The following EYS variants were observed in gnomAD, a reference collection of about 807,000 sequenced individuals.
The protein encoded by EYS is protein eyes shut homolog.
EYS carries 250 observed loss-of-function variants against 282.1 expected under a neutral mutation model. The observed-to-expected ratio is 0.89, with a 90% confidence interval of 0.80 to 0.98. The LOEUF (loss-of-function observed/expected upper bound fraction) is 0.98, where lower values mean the gene tolerates loss of function less well. Among genes scored for constraint, EYS ranks in the 50% least tolerant of loss-of-function variants. EYS has a pLI of 0.00. For missense variants in EYS, 4,016 were observed against 3,709.0 expected, an observed-to-expected ratio of 1.08 and a Z score of -2.15; for synonymous variants, 1,355 against 1,282.9, an observed-to-expected ratio of 1.06 and a Z score of -1.20.
intron 36 of EYS, among the ~76,000 whole-genome samples, chr6:63,826,845 C>CAAAAAAAAAAAAAAAAAAAGAAAAAA (rs1771478105): frequency 1.1e-3 from 88 of 76,720 alleles, no homozygotes; most frequent in Non-Finnish European, 1.4e-3. Context: ...AGTTAAAAAG[C>CAAAAAAAAAAAAAAAAAAAGAAAAAA]AAAAAAAAAA....
At chr6:64,809,944 T>C (rs1562203596) in intron 22 of EYS, among the ~76,000 whole-genome samples, 1 of 152,068 alleles carries the variant, frequency 6.6e-6, no homozygotes, top group Non-Finnish European at 1.5e-5. Context: ...AACATACCTG[T>C]GTATGTGTCC....
chr6:64,463,716 T>C (rs1254521827), intron 26 of EYS, among the ~76,000 whole-genome samples: 2 of 152,020 alleles, frequency 1.3e-5, no homozygotes, highest in East Asian at 3.9e-4. Flanking sequence ...AAATCAAAAA[T>C]GAAAAAGACA....
At chr6:65,290,061 CTTTAA>C (rs1169352559) in intron 12 of EYS, among the ~76,000 whole-genome samples, 2 of 150,988 alleles carry the variant, frequency 1.3e-5, no homozygotes, top group Admixed American at 6.6e-5. Context: ...AAATAAGAAA[CTTTAA>C]TTTAATATTT....
chr6:65,596,942 T>G (rs1765429465), intron 2 of EYS, among the ~76,000 whole-genome samples: 1 of 152,054 alleles, frequency 6.6e-6, no homozygotes, highest in Non-Finnish European at 1.5e-5. Context: ...TTCAAGGACA[T>G]CATTAGAATG....
intron 29 of EYS, among the ~76,000 whole-genome samples, chr6:64,356,716 T>A (rs1296333746): frequency 2.6e-5 from 4 of 151,620 alleles, no homozygotes; most frequent in African/African-American, 9.7e-5. Flanking sequence ...TTATCCAGTG[T>A]TTGCCAAATA....
intron 31 of EYS, among the ~76,000 whole-genome samples, chr6:64,165,074 T>C (rs1012890541): frequency 2.6e-5 from 4 of 152,144 alleles, no homozygotes; most frequent in African/African-American, 7.2e-5. Flanking sequence ...TTTAGTGAGT[T>C]ATTTTTAGTC....
At chr6:64,193,371 C>T (rs376380816) in intron 31 of EYS, among the ~76,000 whole-genome samples, 15 of 151,672 alleles carry the variant, frequency 9.9e-5, no homozygotes, top group Non-Finnish European at 1.5e-4. Context: ...AGTGCAGTGG[C>T]GTGATCTCGG....
chr6:64,055,399 A>G (rs1241162366), intron 33 of EYS, among the ~76,000 whole-genome samples: 1 of 152,164 alleles, frequency 6.6e-6, no homozygotes, highest in Admixed American at 6.6e-5. Flanking sequence ...ACAGAAGCCT[A>G]TATAGCAGAA....
chr6:64,803,998 G>A lies in EYS; in HGVS notation c.3443+9380C>T, dbSNP rs918031506. 3.3e-5 allele frequency among the ~76,000 whole-genome samples: 5 copies of A among 152,274 alleles called. No individual in the cohort carries two copies. In the East Asian group the frequency reaches 7.7e-4, roughly 24 times the overall value. ...GGGAGGGTAGGGCTCTCACCCAACC[G>A]ACTTGGAAGGGGGCGTGGTTCCTGC... On this transcript the variant is annotated intron_variant, in intron 22 of 42. Transcript: ENST00000503581.
At chr6:65,664,549 GAGAAA>G (rs1582579270) in intron 1 of EYS, among the ~76,000 whole-genome samples, 1 of 152,246 alleles carries the variant, frequency 6.6e-6, no homozygotes, top group East Asian at 1.9e-4. Context: ...TAATTTGATA[GAGAAA>G]AGAAGACAAT....
intron 22 of EYS, among the ~76,000 whole-genome samples, chr6:64,703,503 G>C (rs796922993): frequency 6.4e-5 from 9 of 141,016 alleles, no homozygotes; most frequent in African/African-American, 2.4e-4. Context: ...CGCGATCTCA[G>C]CTCACTGAAA....
At chr6:64,774,104 A>C (rs1435345663) in intron 22 of EYS, among the ~76,000 whole-genome samples, 2 of 151,866 alleles carry the variant, frequency 1.3e-5, no homozygotes, top group Non-Finnish European at 2.9e-5. Context: ...TATTACACAT[A>C]CTTATGCATT....
chr6:64,719,663 G>A (rs1003073755), intron 22 of EYS, among the ~76,000 whole-genome samples: 1 of 152,084 alleles, frequency 6.6e-6, no homozygotes, highest in East Asian at 1.9e-4. Flanking sequence ...TATATACTTC[G>A]GGAGGCTGAG....
rs997022177 is a variant in EYS at position 64,305,291 on chromosome 6, T to G, written c.6191+1679A>C. Among the ~76,000 whole-genome samples the G allele has an allele frequency of 6.6e-5, 10 of 151,862 alleles. No homozygotes were observed. The East Asian group carries it at 1.7e-3, about 26-fold the overall frequency. On this transcript the variant is annotated intron_variant, in intron 30 of 42. Transcript: ENST00000503581. ...CATAAATAAATGGAATCACATCTCA[T>G]GTTTATGAATTGGAAAAAAGTGATA...
Position 63,721,588 on chromosome 6 carries a change from G to A in EYS, c.8443C>T (p.Leu2815=). The change falls in exon 43 of 43, where the codon CTG becomes TTG. Residue 2815 remains leucine (L), a synonymous_variant. Transcript: ENST00000503581. The part of the protein sequence containing the change: ...TEKASTKMSS[L]DTNTDFYIGG... The stretch of plus-strand genomic sequence containing the variant: ...ATATAGAAGTCTGTATTTGTGTCCA[G>A]AGAACTCATTTTAGTGGAGGCCTTT... The A allele has an allele frequency of 6.4e-7, 1 of 1,551,668 alleles. No individual in the cohort carries two copies. Among genetic ancestry groups the A allele is most frequent in the South Asian group, 1.2e-5 (1 of 84,052 alleles).
At chr6:65,553,733 T>A (rs997644316) in intron 2 of EYS, among the ~76,000 whole-genome samples, 3 of 152,080 alleles carry the variant, frequency 2.0e-5, no homozygotes, top group Admixed American at 2.0e-4. Flanking sequence ...TGTAGTTAAT[T>A]TTTGCCAACG....
chr6:64,146,285 T>C (rs949964768), intron 31 of EYS, among the ~76,000 whole-genome samples: 1 of 152,164 alleles, frequency 6.6e-6, no homozygotes, highest in Admixed American at 6.6e-5. Flanking sequence ...GAATTACAAA[T>C]AGAAAAGTCA....
At chr6:64,511,248 T>C (rs1339211381) in intron 26 of EYS, among the ~76,000 whole-genome samples, 3 of 148,260 alleles carry the variant, frequency 2.0e-5, no homozygotes, top group Admixed American at 1.4e-4. Flanking sequence ...CATATATATA[T>C]ATGATATATA....
intron 14 of EYS, among the ~76,000 whole-genome samples, chr6:64,952,374 C>T (rs562734864): frequency 1.3e-5 from 2 of 152,044 alleles, no homozygotes; most frequent in Non-Finnish European, 2.9e-5. Flanking sequence ...TACTTAATTT[C>T]AAGGCACATC....
Sources: gnomAD v4.1 joint callset for allele counts (sites outside exome capture counted in the v4.1 genomes callset) on GRCh38, gnomAD v4.1.1 for gene constraint, MANE v1.5 for transcripts, NCBI Gene and HGNC (gene_info 2026-07-23, HGNC 2026-07-21) for gene names.